NCKAP5: variants seen among roughly 807,000 people sequenced by gnomAD.
NCKAP5 encodes nck-associated protein 5.
A neutral mutation model predicts 167.0 loss-of-function variants in NCKAP5; 92 were observed. That is an observed-to-expected ratio of 0.55 (90% CI 0.47 to 0.66). The LOEUF (loss-of-function observed/expected upper bound fraction) is 0.66. Ranked by LOEUF, NCKAP5 falls within the 30% of genes least tolerant of loss-of-function variation. NCKAP5 has a pLI of 0.00. For missense variants in NCKAP5, 2,378 were observed against 2,315.0 expected (o/e 1.03, Z -0.56); for synonymous variants, 891 against 877.4 (o/e 1.02, Z -0.27).
chr2:133,501,678 T>G (rs929417135), intron 3 of NCKAP5, among the ~76,000 whole-genome samples: 1 of 152,226 alleles, frequency 6.6e-6, no homozygotes, highest in Non-Finnish European at 1.5e-5. Context: ...ATACAAAGAA[T>G]GCAGACAGAA....
At chr2:133,444,395 GATAGATAGATAGAT>G (rs975434498) in intron 3 of NCKAP5, among the ~76,000 whole-genome samples, 1,606 of 148,736 alleles carry the variant, frequency 0.011, 26 homozygotes, top group African/African-American at 0.038. Flanking sequence ...TAGATAGATA[GATAGATAGATAGAT>G]ATAGATATAG....
At chr2:133,247,709 CG>C (rs1239704985) in intron 4 of NCKAP5, among the ~76,000 whole-genome samples, 1 of 152,118 alleles carries the variant, frequency 6.6e-6, no homozygotes. Flanking sequence ...CCTGGCAACC[CG>C]GAAGTAGGCA....
intron 16 of NCKAP5, among the ~76,000 whole-genome samples, chr2:132,748,829 G>A (rs1379143855): frequency 2.0e-5 from 3 of 151,832 alleles, no homozygotes; most frequent in Admixed American, 6.6e-5. Flanking sequence ...TGTCACTCAG[G>A]CTGGAGTGCA....
intron 4 of NCKAP5, among the ~76,000 whole-genome samples, chr2:133,228,018 G>A (rs2086972375): frequency 6.6e-6 from 1 of 152,080 alleles, no homozygotes; most frequent in African/African-American, 2.4e-5. Context: ...TGAGCTCTGG[G>A]GACTCTTGGT....
At chr2:133,348,673 T>C (rs917703588) in intron 3 of NCKAP5, among the ~76,000 whole-genome samples, 1 of 152,020 alleles carries the variant, frequency 6.6e-6, no homozygotes. Context: ...AAATAAAAAA[T>C]CTTTTTCTCT....
chr2:133,453,057 C>T (rs1057007345), intron 3 of NCKAP5, among the ~76,000 whole-genome samples: 1 of 152,090 alleles, frequency 6.6e-6, no homozygotes, highest in African/African-American at 2.4e-5. Flanking sequence ...CCAAATAAGG[C>T]AACCAGTAAT....
At chr2:132,976,433 A>T (rs940163204) in intron 7 of NCKAP5, among the ~76,000 whole-genome samples, 1 of 151,936 alleles carries the variant, frequency 6.6e-6, no homozygotes, top group South Asian at 2.1e-4. Flanking sequence ...GCATGGTGGC[A>T]CACACCTGTA....
chr2:132,825,746 T>C (rs1687081062), intron 11 of NCKAP5, among the ~76,000 whole-genome samples: 1 of 152,224 alleles, frequency 6.6e-6, no homozygotes, highest in Non-Finnish European at 1.5e-5. Context: ...GAGCTAGCCA[T>C]ATGGATTTAT....
At chr2:133,349,947 G>A (rs956237788) in intron 3 of NCKAP5, among the ~76,000 whole-genome samples, 3 of 152,150 alleles carry the variant, frequency 2.0e-5, no homozygotes, top group African/African-American at 7.2e-5. Flanking sequence ...AGGCTCACAA[G>A]AAGTTGTCAA....
chr2:133,061,472 T>C (rs1297993010), intron 6 of NCKAP5, among the ~76,000 whole-genome samples: 2 of 152,192 alleles, frequency 1.3e-5, no homozygotes. Flanking sequence ...ATGACATGTG[T>C]TTACCTATGT....
rs1212740789 is a variant in NCKAP5 at position 132,783,876 on chromosome 2, C to A, written c.2935G>T (p.Ala979Ser). Residue 979 changes from alanine to serine, a missense_variant, in exon 14 of 20, where the codon GCT becomes TCT. Physicochemically the swap from Ala to Ser is moderately conservative, Grantham distance 99. Around this residue, in one of 3 missense-constraint regions of NCKAP5, gnomAD observed 1,325 missense variants for 1,274.5 expected, o/e 1.04. Transcript: ENST00000409261. ...FKSPLLKGIS[A>S]PVISSNPATT... ...GCCGGATTAGAAGAAATAACTGGAG[C>A]AGAAATTCCTTTCAGCAGCGGGGAT... 3 of 1,534,056 alleles carry A rather than the reference C, an allele frequency of 2.0e-6. No homozygotes were observed. Among genetic ancestry groups the A allele is most frequent in the South Asian group, 1.3e-5 (1 of 77,128 alleles).
chr2:133,082,711 C>G (rs1665178993), intron 6 of NCKAP5, among the ~76,000 whole-genome samples: 1 of 152,104 alleles, frequency 6.6e-6, no homozygotes, highest in Admixed American at 6.6e-5. Flanking sequence ...AAATAACTGT[C>G]CCTGGTGCCA....
intron 4 of NCKAP5, among the ~76,000 whole-genome samples, chr2:133,214,694 C>A (rs1267826676): frequency 6.6e-6 from 1 of 152,084 alleles, no homozygotes; most frequent in African/African-American, 2.4e-5. Flanking sequence ...TAAGTGAATT[C>A]TTCTGGTAAT....
chr2:132,981,703 A>G (rs984337217), intron 7 of NCKAP5, among the ~76,000 whole-genome samples: 1 of 152,194 alleles, frequency 6.6e-6, no homozygotes, highest in Non-Finnish European at 1.5e-5. Context: ...TTCCCCTTCG[A>G]ATACTATGTC....
chr2:133,205,934 C>T (rs1016013449), intron 5 of NCKAP5, among the ~76,000 whole-genome samples: 10 of 152,068 alleles, frequency 6.6e-5, no homozygotes, highest in Non-Finnish European at 1.3e-4. Context: ...ATTTTATATA[C>T]AGCAATCTTC....
Position 133,532,508 on chromosome 2 carries a change from G to C in NCKAP5, c.-61-14921C>G, listed in dbSNP as rs541430380. On this transcript the variant is annotated intron_variant, in intron 2 of 19. Coordinates refer to ENST00000409261, the MANE Select transcript of NCKAP5 (RefSeq NM_207363.3). ...CTCTTTTATTGAAAATAAATGCTCG[G>C]TTATTTGGGTAGTTGGATCAGATGG... Among the ~76,000 whole-genome samples, 16 of 152,230 alleles carry C rather than the reference G, an allele frequency of 1.1e-4. No individual in the cohort carries two copies. The East Asian group carries it at 3.1e-3, about 29-fold the overall frequency.
chr2:133,015,956 G>A (rs1559052959), intron 6 of NCKAP5, among the ~76,000 whole-genome samples: 1 of 152,078 alleles, frequency 6.6e-6, no homozygotes, highest in Non-Finnish European at 1.5e-5. Context: ...AGAAAAGGCT[G>A]TCCAACAAAA....
At chr2:133,629,431 T>C in the NCKAP5 span, among the ~76,000 whole-genome samples, 2 of 152,118 alleles carry the variant, frequency 1.3e-5, no homozygotes, top group African/African-American at 4.8e-5. Flanking sequence ...CCCAGTGACA[T>C]ATCATCTCAT....
At chr2:132,872,734 C>G (rs1690924328) in intron 9 of NCKAP5, among the ~76,000 whole-genome samples, 1 of 152,172 alleles carries the variant, frequency 6.6e-6, no homozygotes, top group Admixed American at 6.5e-5. Flanking sequence ...AAAATCTCAT[C>G]AGAAAAAGTA....
Sources: gnomAD v4.1 joint callset for allele counts (sites outside exome capture counted in the v4.1 genomes callset) on GRCh38, gnomAD v4.1.1 for gene constraint, gnomAD v4.1.1 regional missense constraint, MANE v1.5 for transcripts, NCBI Gene and HGNC (gene_info 2026-07-23, HGNC 2026-07-21) for gene names.